ARHGAP15: variants seen among roughly 807,000 people sequenced by gnomAD.
ARHGAP15 encodes the protein rho GTPase-activating protein 15.
ARHGAP15 carries 51 observed loss-of-function variants against 63.7 expected under a neutral mutation model. The ratio of observed to expected loss-of-function variants is 0.80; its 90% CI spans 0.64 to 1.01. The LOEUF is 1.01. Ranked by LOEUF, ARHGAP15 falls within the 50% of genes least tolerant of loss-of-function variation. The pLI is 0.00. For missense variants in ARHGAP15, 560 were observed against 564.6 expected, an observed-to-expected ratio of 0.99 and a Z score of 0.08; for synonymous variants, 191 against 193.8, an observed-to-expected ratio of 0.99 and a Z score of 0.12.
intron 11 of ARHGAP15, among the ~76,000 whole-genome samples, chr2:143,606,065 A>AAAAAAAAAAC (rs1559076911): frequency 4.4e-5 from 2 of 45,080 alleles, no homozygotes; most frequent in African/African-American, 1.1e-4. Context: ...AAAAAAAAAA[A>AAAAAAAAAAC]AAAAAGCCAT....
intron 12 of ARHGAP15, among the ~76,000 whole-genome samples, chr2:143,662,787 A>G (rs1270453542): frequency 2.8e-5 from 3 of 108,898 alleles, no homozygotes; most frequent in Admixed American, 9.9e-5. Flanking sequence ...TCAGGAGCCG[A>G]TGCGATCAAC....
At chr2:143,155,132 A>G (rs1049167455) in intron 1 of ARHGAP15, among the ~76,000 whole-genome samples, 6 of 151,952 alleles carry the variant, frequency 3.9e-5, no homozygotes, top group African/African-American at 1.4e-4. Flanking sequence ...TGGATTAAAA[A>G]GCATATATCC....
intron 6 of ARHGAP15, among the ~76,000 whole-genome samples, chr2:143,354,083 G>A (rs913885330): frequency 6.6e-6 from 1 of 151,516 alleles, no homozygotes; most frequent in Non-Finnish European, 1.5e-5. Context: ...CCTGATAAAT[G>A]GATTCCGAAC....
chr2:143,357,634 T>C (rs1054687199), intron 6 of ARHGAP15, among the ~76,000 whole-genome samples: 2 of 152,216 alleles, frequency 1.3e-5, no homozygotes. Flanking sequence ...GTACAAGCTA[T>C]TTTTAAAGCA....
chr2:143,178,940 G>A (rs1355985452), intron 2 of ARHGAP15, among the ~76,000 whole-genome samples: 1 of 152,198 alleles, frequency 6.6e-6, no homozygotes, highest in Non-Finnish European at 1.5e-5. Flanking sequence ...CTTTGGCTAT[G>A]ATTTTGGAGT....
chr2:143,732,716 A>T (rs950481897), intron 13 of ARHGAP15, among the ~76,000 whole-genome samples: 2 of 146,122 alleles, frequency 1.4e-5, no homozygotes, highest in Non-Finnish European at 3.0e-5. Flanking sequence ...TCATAGAATT[A>T]AAAAAAAAAA....
chr2:143,492,203 C>T (rs1449963052), intron 9 of ARHGAP15, among the ~76,000 whole-genome samples: 1 of 152,042 alleles, frequency 6.6e-6, no homozygotes, highest in East Asian at 1.9e-4. Context: ...TTCTCCTCGC[C>T]AGATACTTAC....
At chr2:143,687,808 T>G (rs760804075) in intron 12 of ARHGAP15, among the ~76,000 whole-genome samples, 14 of 152,182 alleles carry the variant, frequency 9.2e-5, no homozygotes, top group Non-Finnish European at 1.8e-4. Context: ...GGAAAATAAA[T>G]TTTAAAAATG....
chr2:143,627,080 C>T (rs763110142), intron 12 of ARHGAP15, among the ~76,000 whole-genome samples: 10 of 152,112 alleles, frequency 6.6e-5, no homozygotes, highest in Non-Finnish European at 1.5e-4. Flanking sequence ...TGGGCCCTCA[C>T]CAATACATTA....
chr2:143,245,924 A>G (rs1036760957), intron 5 of ARHGAP15, among the ~76,000 whole-genome samples: 1 of 152,126 alleles, frequency 6.6e-6, no homozygotes, highest in African/African-American at 2.4e-5. Context: ...AGTTTATTAG[A>G]CAGATGGGCC....
At position 143,213,036 on chromosome 2, in the gene ARHGAP15, C is replaced by G. The variant is rs561576929; in HGVS notation, c.235-3348C>G. On this transcript the variant is annotated intron_variant, in intron 3 of 13. Coordinates refer to ENST00000295095, the MANE Select transcript of ARHGAP15 (RefSeq NM_018460.4). The stretch of plus-strand genomic sequence containing the variant: ...AGCAGGGCATGGTATCCCGTCCCCC[C>G]AGAAAAGGAGCAGGAATATCTTGAA... Among the ~76,000 whole-genome samples the G allele has an allele frequency of 1.7e-4, 26 of 152,268 alleles. No individual in the cohort carries two copies. The South Asian group carries it at 3.3e-3, about 19-fold the overall frequency.
chr2:143,209,528 A>G (rs555848876), intron 3 of ARHGAP15, among the ~76,000 whole-genome samples: 2 of 151,672 alleles, frequency 1.3e-5, no homozygotes, highest in Non-Finnish European at 1.5e-5. Context: ...GCATAATTCT[A>G]TAAGTCCAAA....
At chr2:143,336,997 A>T (rs542596679) in intron 6 of ARHGAP15, among the ~76,000 whole-genome samples, 1 of 152,082 alleles carries the variant, frequency 6.6e-6, no homozygotes, top group Non-Finnish European at 1.5e-5. Context: ...GAAGCTGCCA[A>T]TGTGCAGTGT....
chr2:143,483,608 A>G (rs1484969242), intron 8 of ARHGAP15, among the ~76,000 whole-genome samples: 1 of 152,218 alleles, frequency 6.6e-6, no homozygotes, highest in African/African-American at 2.4e-5. Flanking sequence ...ACACTAGAAT[A>G]CAGACCTATG....
At chr2:143,447,843 T>C (rs1288550111) in intron 8 of ARHGAP15, among the ~76,000 whole-genome samples, 1 of 152,066 alleles carries the variant, frequency 6.6e-6, no homozygotes, top group Non-Finnish European at 1.5e-5. Context: ...ATTTTATGCA[T>C]GAGGAATGAA....
At chr2:143,144,003 G>A (rs960870589) in intron 1 of ARHGAP15, among the ~76,000 whole-genome samples, 1 of 152,010 alleles carries the variant, frequency 6.6e-6, no homozygotes, top group South Asian at 2.1e-4. Context: ...ACTTATAAGT[G>A]AGAACATGCA....
At chr2:143,487,879 C>G (rs2105228356) in intron 9 of ARHGAP15, among the ~76,000 whole-genome samples, 1 of 152,270 alleles carries the variant, frequency 6.6e-6, no homozygotes, top group South Asian at 2.1e-4. Context: ...TTTTCACTAT[C>G]AGAAATGTCC....
At chr2:143,626,488 G>C (rs967980328) in intron 12 of ARHGAP15, among the ~76,000 whole-genome samples, 9 of 152,120 alleles carry the variant, frequency 5.9e-5, no homozygotes, top group African/African-American at 1.9e-4. Context: ...CAGACCCAAA[G>C]AGTGAGTGGT....
intron 6 of ARHGAP15, among the ~76,000 whole-genome samples, chr2:143,367,314 A>G (rs764015443): frequency 7.9e-5 from 12 of 151,858 alleles, no homozygotes; most frequent in East Asian, 3.9e-4. Context: ...TGCCCTTCCT[A>G]CAGTTGAAAA....
Sources: gnomAD v4.1 joint callset for allele counts (sites outside exome capture counted in the v4.1 genomes callset) on GRCh38, gnomAD v4.1.1 for gene constraint, MANE v1.5 for transcripts, NCBI Gene and HGNC (gene_info 2026-07-23, HGNC 2026-07-21) for gene names.